CRYBA4: variants seen among roughly 807,000 people sequenced by gnomAD.
CRYBA4 encodes crystallin beta A4.
Under a neutral mutation model 31.7 loss-of-function variants are expected in CRYBA4, and 30 were observed. The observed-to-expected ratio is 0.95, with a 90% confidence interval of 0.71 to 1.28. CRYBA4 has a LOEUF of 1.28. Ranked by LOEUF, CRYBA4 falls within the 50% of genes most tolerant of loss-of-function variation. The pLI, the probability that CRYBA4 is intolerant of heterozygous loss-of-function variation, is 0.00. For synonymous variants in CRYBA4, 102 were observed against 102.3 expected, an observed-to-expected ratio of 1.00 and a Z score of 0.02; for missense variants, 225 against 260.7, an observed-to-expected ratio of 0.86 and a Z score of 0.94.
At chr22:26,612,210 A>T in the CRYBA4 span, 1 of 1,556,696 alleles carries the variant, frequency 6.4e-7, no homozygotes, top group East Asian at 2.2e-5. Context: ...AGAAGCCCCC[A>T]TGCCAAGGGC....
At chr22:26,596,627 C>T in the CRYBA4 span, 1 of 151,996 alleles carries the variant, frequency 6.6e-6, no homozygotes, top group East Asian at 1.9e-4. Context: ...TGCATCTTAC[C>T]AACAATAAGA....
At chr22:26,602,028 A>T in the CRYBA4 span, 1 of 1,613,516 alleles carries the variant, frequency 6.2e-7, no homozygotes, top group Non-Finnish European at 8.5e-7. Context: ...CATCCTGGGG[A>T]AAGAGAGGCC....
At chr22:26,595,133 C>T in the CRYBA4 span, among the ~76,000 whole-genome samples, 1 of 152,158 alleles carries the variant, frequency 6.6e-6, no homozygotes, top group Non-Finnish European at 1.5e-5. Flanking sequence ...TATATGTCCT[C>T]CTTTGTTATT....
At position 26,623,250 on chromosome 22, in the gene CRYBA4, A is replaced by C; in HGVS notation, c.56A>C (p.Glu19Ala). The C allele has an allele frequency of 6.2e-7, 1 of 1,613,176 alleles. No homozygotes were observed. The highest frequency in any genetic ancestry group is 8.5e-7 in the Non-Finnish European group (1 of 1,179,890). Reference protein sequence around the residue: ...AGPWKMVVWDEDGFQGRRHEF... With the variant: ...AGPWKMVVWDADGFQGRRHEF... ...CTGGCACAGATGGTGGTGTGGGATG[A>C]GGACGGCTTCCAGGGCCGGCGGCAC... The change falls in exon 3 of 6, where the codon GAG becomes GCG. Residue 19 changes from glutamate (E) to alanine (A), a missense_variant. Physicochemically the swap from Glu to Ala is moderately radical, Grantham distance 107. Transcript: ENST00000354760.
chr22:26,594,670 G>A, the CRYBA4 span, among the ~76,000 whole-genome samples: 1 of 152,034 alleles, frequency 6.6e-6, no homozygotes, highest in Non-Finnish European at 1.5e-5. Flanking sequence ...CAGCCTGGGC[G>A]ATAGAGTGAG....
chr22:26,599,914 T>TG, the CRYBA4 span, among the ~76,000 whole-genome samples: 1 of 152,144 alleles, frequency 6.6e-6, no homozygotes, highest in East Asian at 1.9e-4. Flanking sequence ...TTAAGAGTGC[T>TG]GGGGGGGACC....
the CRYBA4 span, among the ~76,000 whole-genome samples, chr22:26,611,321 G>A: frequency 6.6e-6 from 1 of 152,212 alleles, no homozygotes; most frequent in Non-Finnish European, 1.5e-5. Flanking sequence ...TCCCGAGTCA[G>A]TGCCTGGCAC....
the CRYBA4 span, among the ~76,000 whole-genome samples, chr22:26,611,354 T>A: frequency 6.6e-6 from 1 of 152,208 alleles, no homozygotes; most frequent in African/African-American, 2.4e-5. Context: ...CCACAGATGC[T>A]TATCATTACT....
upstream of CRYBA4, among the ~76,000 whole-genome samples, chr22:26,617,319 T>G (rs1929389656): frequency 6.6e-6 from 1 of 152,168 alleles, no homozygotes; most frequent in African/African-American, 2.4e-5. Context: ...TTGGAGACAA[T>G]GTTAAGGGAT....
At chr22:26,618,849 C>T (rs1489535074), upstream of CRYBA4, among the ~76,000 whole-genome samples, 1 of 152,208 alleles carries the variant, frequency 6.6e-6, no homozygotes, top group Admixed American at 6.5e-5. Context: ...TTTCTTTTCC[C>T]CACATTGGGC....
At chr22:26,609,918 A>G in the CRYBA4 span, among the ~76,000 whole-genome samples, 2 of 152,304 alleles carry the variant, frequency 1.3e-5, no homozygotes, top group Admixed American at 6.5e-5. Flanking sequence ...ATGAGGGCCT[A>G]AAAGAGGGAA....
At chr22:26,610,789 C>A in the CRYBA4 span, among the ~76,000 whole-genome samples, 1 of 152,140 alleles carries the variant, frequency 6.6e-6, no homozygotes, top group African/African-American at 2.4e-5. Context: ...TGAGGGCCAT[C>A]CTTCTCCCCA....
the CRYBA4 span, chr22:26,607,811 G>A: frequency 1.2e-5 from 19 of 1,599,500 alleles, no homozygotes; most frequent in East Asian, 2.2e-5. Flanking sequence ...TCTCCTTCTT[G>A]CCCTTGTCAG....
chr22:26,628,886 C>T (rs538175973), intron 5 of CRYBA4, among the ~76,000 whole-genome samples: 154 of 152,302 alleles, frequency 1.0e-3, no homozygotes, highest in African/African-American at 2.7e-3. Flanking sequence ...GTCCTGTGCT[C>T]AACTCTGAAC....
chr22:26,596,411 G>C, the CRYBA4 span, among the ~76,000 whole-genome samples: 2 of 152,110 alleles, frequency 1.3e-5, no homozygotes, highest in Non-Finnish European at 2.9e-5. Context: ...AGAGGTTTTA[G>C]AACTGACTTA....
At chr22:26,595,493 C>T in the CRYBA4 span, among the ~76,000 whole-genome samples, 4 of 150,940 alleles carry the variant, frequency 2.7e-5, no homozygotes, top group East Asian at 2.0e-4. Flanking sequence ...GCAGGAAAAT[C>T]GCTTGAACCT....
rs2071860 is a variant in CRYBA4, at chr22:26,623,164, C to T, written c.40-70C>T. The T allele has an allele frequency of 0.37, 480,897 of 1,294,130 alleles. 92,227 individuals carry two copies. The highest frequency in any genetic ancestry group is 0.53 in the Admixed American group (31,793 of 59,600). The allele number at this position is 1,294,130 out of a possible 1,614,324, so 80.2% of individuals were successfully genotyped here. On this transcript the variant is annotated intron_variant, in intron 2 of 5. Transcript: ENST00000354760. Reference sequence around the variant, plus strand: ...CTGCTTTACCTGCCAGATCCTGGGGCGAGCCCCCAACCTCTCACCCTTCAC... The same window carrying T: ...CTGCTTTACCTGCCAGATCCTGGGGTGAGCCCCCAACCTCTCACCCTTCAC...
chr22:26,616,637 A>C, the CRYBA4 span, among the ~76,000 whole-genome samples: 1 of 152,050 alleles, frequency 6.6e-6, no homozygotes, highest in Non-Finnish European at 1.5e-5. Flanking sequence ...AATTTTCCAC[A>C]CTGCTTATCA....
At chr22:26,619,519 G>A (rs1057287656), upstream of CRYBA4, among the ~76,000 whole-genome samples, 2 of 152,166 alleles carry the variant, frequency 1.3e-5, no homozygotes, top group Non-Finnish European at 1.5e-5. Context: ...GGTATATTGC[G>A]GGGGCATCTG....
Sources: allele counts gnomAD v4.1 joint callset (sites outside exome capture counted in the v4.1 genomes callset), GRCh38; gene constraint gnomAD v4.1.1; transcripts MANE v1.5; gene names NCBI Gene and HGNC (gene_info 2026-07-23, HGNC 2026-07-21).